PCDHGB1: variants seen among roughly 807,000 people sequenced by gnomAD.
PCDHGB1 encodes protocadherin gamma-B1.
Under a neutral mutation model 56.6 loss-of-function variants are expected in PCDHGB1, and 34 were observed. The ratio of observed to expected loss-of-function variants is 0.60; its 90% CI spans 0.46 to 0.80. The LOEUF (loss-of-function observed/expected upper bound fraction) is 0.80, where lower values mean the gene tolerates loss of function less well. Ranked by LOEUF, PCDHGB1 falls within the 30% of genes least tolerant of loss-of-function variation. PCDHGB1 has a pLI of 0.00. For synonymous variants in PCDHGB1, 561 were observed against 505.9 expected (o/e 1.11, Z -1.46); for missense variants, 1,278 against 1,204.6 (o/e 1.06, Z -0.90).
rs1272166319 is a variant in PCDHGB1, at chr5:141,370,826, A to C, written c.2409+18157A>C. Reference sequence around the variant, plus strand: ...ATATCACTGAGCTGGAAATCAGCGAACTGGCTCTCACTGGAGCCACATTTG... The same window carrying C: ...ATATCACTGAGCTGGAAATCAGCGACCTGGCTCTCACTGGAGCCACATTTG... On this transcript the variant is annotated intron_variant, in intron 1 of 3. Coordinates refer to ENST00000523390, the MANE Select transcript of PCDHGB1 (RefSeq NM_018922.3). The C allele has an allele frequency of 1.1e-5, 18 of 1,613,884 alleles. No homozygotes were observed. The Admixed American group carries it at 3.0e-4, about 27-fold the overall frequency.
At position 141,371,400 on chromosome 5, in the gene PCDHGB1, G is replaced by C. The variant is rs201084970; in HGVS notation, c.2409+18731G>C. 5.8e-5 allele frequency: 93 copies of C among 1,613,894 alleles called. No individual in the cohort carries two copies. Among genetic ancestry groups the C allele is most frequent in the African/African-American group, 2.7e-5 (2 of 74,938 alleles). Reference sequence around the variant, plus strand: ...CACTGCATATTGTAAAGTACAGATAGATATTTCAGATGAAAATGACAATGC... The same window carrying C: ...CACTGCATATTGTAAAGTACAGATACATATTTCAGATGAAAATGACAATGC... On this transcript the variant is annotated intron_variant, in intron 1 of 3. Transcript: ENST00000523390.
chr5:141,351,213 A>G lies in PCDHGB1; in HGVS notation c.953A>G (p.Lys318Arg). ...AGATATGTGTTGAGTGTGGAAGCTA[A>G]GGATGGAGGAGTACACACAGCTCAC... Reference protein sequence around the residue: ...TSRYVLSVEAKDGGVHTAHCN... With the variant: ...TSRYVLSVEARDGGVHTAHCN... Residue 318 changes from lysine to arginine, a missense_variant, in exon 1 of 4, where the codon AAG becomes AGG. Lys to Arg is a conservative substitution (Grantham distance 26). Transcript: ENST00000523390. 1 of 1,614,080 alleles carries G rather than the reference A, an allele frequency of 6.2e-7. No individual in the cohort carries two copies. The highest frequency in any genetic ancestry group is 8.5e-7 in the Non-Finnish European group (1 of 1,179,906).
intron 1 of PCDHGB1, chr5:141,419,344 C>T (rs2096363174): frequency 1.9e-6 from 3 of 1,613,732 alleles, no homozygotes; most frequent in Non-Finnish European, 2.5e-6. Flanking sequence ...TTGCCAGCGA[C>T]CTGGAGTCAC....
intron 1 of PCDHGB1, chr5:141,410,911 T>C (rs927103159): frequency 2.6e-5 from 7 of 267,884 alleles, no homozygotes; most frequent in African/African-American, 7.8e-5. Flanking sequence ...TGGAGTGCAG[T>C]GGCGTGATCT....
In PCDHGB1 at chr5:141,378,383, T is replaced by G. The variant is rs559607457; in HGVS notation, c.2409+25714T>G. 8.5e-5 allele frequency: 13 copies of G among 152,064 alleles called. 1 individual carries two copies. The South Asian group carries it at 1.5e-3, about 17-fold the overall frequency. 9.4% of individuals were successfully genotyped at this position (152,064 alleles called of 1,614,324 possible). A position where few individuals can be genotyped will look rare whatever the true frequency, so the allele number is the denominator to read the frequency against. On this transcript the variant is annotated intron_variant, in intron 1 of 3. Transcript: ENST00000523390. Reference sequence around the variant, plus strand: ...ACTAAAAATACAAAAATTAGCCAGGTGGGGTGGCATGGGCCTGTAATCGCA... The same window carrying G: ...ACTAAAAATACAAAAATTAGCCAGGGGGGGTGGCATGGGCCTGTAATCGCA...
intron 1 of PCDHGB1, chr5:141,362,645 G>GTAGGA: frequency 1.4e-6 from 2 of 1,454,486 alleles, no homozygotes; most frequent in Non-Finnish European, 1.8e-6. Flanking sequence ...CTTTGTCTGT[G>GTAGGA]AGTTAGATTT....
chr5:141,509,442 T>C (rs1473514859), intron 3 of PCDHGB1, among the ~76,000 whole-genome samples: 3 of 152,008 alleles, frequency 2.0e-5, no homozygotes, highest in Non-Finnish European at 2.9e-5. Flanking sequence ...TGTTTCCTCC[T>C]CTCCCACCCC....
rs528371675 is a variant in PCDHGB1 at position 141,389,403 on chromosome 5, G to T, written c.2409+36734G>T. 18 of 1,613,628 alleles carry T rather than the reference G, an allele frequency of 1.1e-5. No individual in the cohort carries two copies. The African/African-American group carries it at 2.4e-4, about 21-fold the overall frequency. On this transcript the variant is annotated intron_variant, in intron 1 of 3. Transcript: ENST00000523390. The stretch of plus-strand genomic sequence containing the variant: ...GCTGTCATCCTACGTGTCCATAAGC[G>T]CGGAGAGCGGGGTGGTGTTCGCGCA...
chr5:141,360,110 G>C, intron 1 of PCDHGB1: 1 of 1,563,268 alleles, frequency 6.4e-7, no homozygotes, highest in Non-Finnish European at 8.7e-7. Flanking sequence ...TCCTCCTATG[G>C]GCAAAGGAGC....
In PCDHGB1 at chr5:141,476,850, A is replaced by G. The variant is rs747333239; in HGVS notation, c.2410-17957A>G. The G allele has an allele frequency of 1.2e-6, 2 of 1,613,836 alleles. No individual in the cohort carries two copies. Among genetic ancestry groups the G allele is most frequent in the Admixed American group, 3.3e-5 (2 of 60,030 alleles). ...GCGAATGACAATGCGCCTGTCTTCA[A>G]CCAGTCCTTGTACCGGGCGCGCGTC... is the stretch of plus-strand genomic sequence containing the variant. On this transcript the variant is annotated intron_variant, in intron 1 of 3. Transcript: ENST00000523390. The surrounding 1 kb of genome is among the most constrained non-coding windows in gnomAD (Gnocchi z 7.6).
At chr5:141,366,443 C>T in intron 1 of PCDHGB1, 1 of 1,614,206 alleles carries the variant, frequency 6.2e-7, no homozygotes, top group Non-Finnish European at 8.5e-7. Context: ...CTGCGTCTTC[C>T]TGGCCTTCGT....
chr5:141,364,771 T>C (rs1763529395), intron 1 of PCDHGB1: 4 of 1,614,002 alleles, frequency 2.5e-6, no homozygotes, highest in Non-Finnish European at 3.4e-6. Flanking sequence ...AAAATGCGGC[T>C]GCAGGGACAC....
At chr5:141,356,463 T>C (rs1304745110) in intron 1 of PCDHGB1, 4 of 1,613,576 alleles carry the variant, frequency 2.5e-6, no homozygotes, top group Non-Finnish European at 3.4e-6. Context: ...ATAACATCAC[T>C]GTAACTGCCA....
chr5:141,404,804 T>A, intron 1 of PCDHGB1: 1 of 1,613,898 alleles, frequency 6.2e-7, no homozygotes, highest in South Asian at 1.1e-5. Context: ...AGGGCTCTTC[T>A]CGGTGGGGCT....
At chr5:141,353,676 G>A (rs116401360) in intron 1 of PCDHGB1, among the ~76,000 whole-genome samples, 3,945 of 152,034 alleles carry the variant, frequency 0.026, 75 homozygotes, top group Non-Finnish European at 0.038. Flanking sequence ...TGAACATTTG[G>A]GTTTATAAAG....
At position 141,477,213 on chromosome 5, in the gene PCDHGB1, C is replaced by G; in HGVS notation, c.2410-17594C>G. ...TACAGCCCAGTACCCGAGGATGCCC[C>G]TCTGGGGACTGTCATCGCTTTGCTC... is the stretch of plus-strand genomic sequence containing the variant. On this transcript the variant is annotated intron_variant, in intron 1 of 3. Coordinates refer to ENST00000523390, the MANE Select transcript of PCDHGB1 (RefSeq NM_018922.3). The surrounding 1 kb of genome is among the most constrained non-coding windows in gnomAD (Gnocchi z 4.9). 6.2e-7 allele frequency: 1 copy of G among 1,614,184 alleles called. No individual in the cohort carries two copies.
intron 1 of PCDHGB1, chr5:141,392,765 C>T (rs952463522): frequency 2.7e-6 from 4 of 1,482,974 alleles, no homozygotes; most frequent in Admixed American, 5.1e-5. Flanking sequence ...TAAATAAGAC[C>T]CATTTATGCA....
chr5:141,379,862 T>G (rs1157385498), intron 1 of PCDHGB1, among the ~76,000 whole-genome samples: 2 of 150,480 alleles, frequency 1.3e-5, no homozygotes, highest in African/African-American at 4.9e-5. Flanking sequence ...TATTGTCTTA[T>G]TCTTATTTTA....
intron 1 of PCDHGB1, chr5:141,392,860 T>A (rs726684): frequency 2.5e-6 from 4 of 1,612,016 alleles, no homozygotes; most frequent in Admixed American, 3.4e-5. Flanking sequence ...CTGATCCTGC[T>A]GTGCGCGCTG....
Sources: gnomAD v4.1 joint callset for allele counts (sites outside exome capture counted in the v4.1 genomes callset) on GRCh38, gnomAD v4.1.1 for gene constraint, Gnocchi (gnomAD v3.1) non-coding constraint, MANE v1.5 for transcripts, NCBI Gene and HGNC (gene_info 2026-07-23, HGNC 2026-07-21) for gene names.